Variants in NCKAP1 observed in about 807,000 individuals in gnomAD.
NCKAP1 encodes the protein nck-associated protein 1.
A neutral mutation model predicts 151.2 loss-of-function variants in NCKAP1; 21 were observed. That is an observed-to-expected ratio of 0.14 (90% CI 0.10 to 0.20). NCKAP1 has a LOEUF of 0.20. Among genes scored for constraint, NCKAP1 ranks in the 10% least tolerant of loss-of-function variants. NCKAP1 has a pLI of 1.00. For missense variants in NCKAP1, 933 were observed against 1,352.1 expected, an observed-to-expected ratio of 0.69 and a Z score of 4.86; for synonymous variants, 484 against 451.8, an observed-to-expected ratio of 1.07 and a Z score of -0.90.
intron 29 of NCKAP1, among the ~76,000 whole-genome samples, chr2:182,927,910 T>C (rs1014734581): frequency 3.3e-5 from 5 of 151,920 alleles, no homozygotes; most frequent in Non-Finnish European, 5.9e-5. Context: ...CCTTCACCTG[T>C]TTCTCCCTCC....
intron 6 of NCKAP1, among the ~76,000 whole-genome samples, chr2:182,998,319 A>C (rs1209734316): frequency 1.3e-5 from 2 of 152,146 alleles, no homozygotes; most frequent in African/African-American, 2.4e-5. Flanking sequence ...TCTATTCAAC[A>C]TAGTACTGAA....
intron 25 of NCKAP1, 115 bp downstream of exon 25, chr2:182,935,178 A>G: frequency 1.3e-6 from 1 of 791,702 alleles, no homozygotes; most frequent in South Asian, 1.8e-5. Flanking sequence ...AACTACTAAA[A>G]CTGGAATTTT....
intron 2 of NCKAP1, among the ~76,000 whole-genome samples, chr2:183,013,616 C>T (rs779605010): frequency 2.0e-5 from 3 of 152,148 alleles, no homozygotes; most frequent in African/African-American, 4.8e-5. Context: ...CACCTTTGCT[C>T]TCCTGCAGAC....
intron 1 of NCKAP1, chr2:183,024,946 C>T (rs780994804): frequency 5.6e-6 from 9 of 1,610,090 alleles, no homozygotes; most frequent in South Asian, 3.3e-5. Flanking sequence ...AGCGGGCAAG[C>T]GGGCAGAGGG....
At chr2:182,953,034 T>G in intron 21 of NCKAP1, 79 bp downstream of exon 21, 1 of 1,483,072 alleles carries the variant, frequency 6.7e-7, no homozygotes, top group Non-Finnish European at 9.1e-7. Context: ...AATAAGTACT[T>G]ATTCACAAAA....
chr2:182,944,940 A>G (rs1309308525), intron 23 of NCKAP1, among the ~76,000 whole-genome samples: 1 of 152,142 alleles, frequency 6.6e-6, no homozygotes. Context: ...CGTCTCTACA[A>G]AAAACTTTAA....
chr2:183,004,003 G>C (rs1698420313), intron 2 of NCKAP1, among the ~76,000 whole-genome samples: 1 of 152,072 alleles, frequency 6.6e-6, no homozygotes, highest in South Asian at 2.1e-4. Flanking sequence ...ATCAACTATT[G>C]ATATAATTTC....
intron 3 of NCKAP1, 97 bp from the exon 4 acceptor site, chr2:183,003,127 G>A (rs1160014422): frequency 7.7e-7 from 1 of 1,304,140 alleles, no homozygotes. Context: ...TTCAGTTCTG[G>A]AAGAATTTCA....
intron 26 of NCKAP1, among the ~76,000 whole-genome samples, chr2:182,931,233 GTTTT>G (rs906237963): frequency 6.6e-6 from 1 of 151,892 alleles, no homozygotes; most frequent in Non-Finnish European, 1.5e-5. Flanking sequence ...ACTTATAATA[GTTTT>G]TTTAAGGAGT....
intron 18 of NCKAP1, among the ~76,000 whole-genome samples, chr2:182,958,314 G>A (rs1394620569): frequency 6.6e-6 from 1 of 151,946 alleles, no homozygotes; most frequent in Non-Finnish European, 1.5e-5. Flanking sequence ...AATTTTATTT[G>A]TATATTTTTA....
Position 182,917,792 on chromosome 2 carries a change from C to T in NCKAP1, c.*7910G>A, listed in dbSNP as rs1234397481. ...AACTAAAACAAATATTTTTAACATTCACAAATATGTGACATATTATCTACT... is the reference window on the plus strand; with the variant it reads ...AACTAAAACAAATATTTTTAACATTTACAAATATGTGACATATTATCTACT... On this transcript the variant is annotated 3_prime_UTR_variant, in exon 31 of 31. Transcript: ENST00000361354. The T allele has an allele frequency of 6.6e-6, 1 of 152,110 alleles. No individual in the cohort carries two copies. The allele number at this position is 152,110 out of a possible 1,614,324, so 9.4% of individuals were successfully genotyped here.
At chr2:183,007,171 C>A (rs1698493616) in intron 2 of NCKAP1, among the ~76,000 whole-genome samples, 5 of 152,174 alleles carry the variant, frequency 3.3e-5, no homozygotes, top group Non-Finnish European at 5.9e-5. Flanking sequence ...CTGTACCCGG[C>A]CTCAATACGC....
chr2:182,926,338 C>G (rs1467878399), intron 30 of NCKAP1, among the ~76,000 whole-genome samples: 1 of 151,950 alleles, frequency 6.6e-6, no homozygotes, highest in Non-Finnish European at 1.5e-5. Flanking sequence ...TAGGATAAAT[C>G]CAATTTCTGC....
rs530382139 is a variant in NCKAP1 at position 182,985,352 on chromosome 2, C to G, written c.1004+819G>C. On this transcript the variant is annotated intron_variant, in intron 10 of 30. Transcript: ENST00000361354. ...AGAAAATATTCTATATTAAGTATAT[C>G]ATATATGTAACAAAGTGAAATATCA... is the stretch of plus-strand genomic sequence containing the variant. Among the ~76,000 whole-genome samples, 246 of 152,006 alleles carry G rather than the reference C, an allele frequency of 1.6e-3. 2 individuals carry two copies. The highest frequency in any genetic ancestry group is 5.3e-3 in the African/African-American group (221 of 41,414).
chr2:182,983,411 T>C (rs1559093010), intron 10 of NCKAP1, 29 bp from the exon 11 acceptor site: 2 of 1,455,888 alleles, frequency 1.4e-6, no homozygotes, highest in Admixed American at 1.8e-5. Flanking sequence ...TAATAGTTTA[T>C]CTGCTTCTAC....
At chr2:182,982,966 A>G in intron 11 of NCKAP1, 39 bp from the exon 12 acceptor site, 1 of 1,439,712 alleles carries the variant, frequency 6.9e-7, no homozygotes. Flanking sequence ...TTATTCAAAG[A>G]TTAAAAACAA....
chr2:183,034,633 G>C lies in NCKAP1; in HGVS notation c.108+3359C>G, dbSNP rs541456085. Among the ~76,000 whole-genome samples the C allele has an allele frequency of 9.2e-5, 14 of 152,228 alleles. No individual in the cohort carries two copies. In the East Asian group the frequency reaches 2.7e-3, roughly 29 times the overall value. ...AGTTATACAATTTCAGAAAAACAAT[G>C]TTGCCCAAAAGAGATGCTCAGATTC... On this transcript the variant is annotated intron_variant, in intron 1 of 30. Coordinates refer to ENST00000361354, the MANE Select transcript of NCKAP1 (RefSeq NM_013436.5).
intron 25 of NCKAP1, 74 bp from the exon 26 acceptor site, chr2:182,934,906 T>G (rs905815305): frequency 1.5e-6 from 1 of 675,666 alleles, no homozygotes; most frequent in African/African-American, 1.8e-5. Flanking sequence ...ATATTACCAA[T>G]TGATTAATTT....
At chr2:182,937,798 G>A (rs544918474) in intron 24 of NCKAP1, among the ~76,000 whole-genome samples, 2 of 152,302 alleles carry the variant, frequency 1.3e-5, no homozygotes, top group African/African-American at 4.8e-5. Context: ...AAGAATCAGA[G>A]AGGATGCCCA....
Sources: gnomAD v4.1 joint callset for allele counts (sites outside exome capture counted in the v4.1 genomes callset) on GRCh38, gnomAD v4.1.1 for gene constraint, MANE v1.5 for transcripts, NCBI Gene and HGNC (gene_info 2026-07-23, HGNC 2026-07-21) for gene names.